PRKCH: variants seen among roughly 807,000 people sequenced by gnomAD.
The protein encoded by PRKCH is protein kinase C eta type.
A neutral mutation model predicts 82.5 loss-of-function variants in PRKCH; 28 were observed. That is an observed-to-expected ratio of 0.34 (90% CI 0.25 to 0.47). The LOEUF (loss-of-function observed/expected upper bound fraction) is 0.47. Ranked by LOEUF, PRKCH falls within the 20% of genes least tolerant of loss-of-function variation. The pLI is 1.00. For synonymous variants in PRKCH, 322 were observed against 327.4 expected (o/e 0.98, Z 0.18); for missense variants, 705 against 881.8 (o/e 0.80, Z 2.54).
At chr14:61,339,210 G>C (rs2045897136) in intron 1 of PRKCH, among the ~76,000 whole-genome samples, 1 of 151,868 alleles carries the variant, frequency 6.6e-6, no homozygotes, top group Non-Finnish European at 1.5e-5. Flanking sequence ...CTCCTGTTCA[G>C]GCTTAGCCCT....
intron 1 of PRKCH, among the ~76,000 whole-genome samples, chr14:61,201,864 G>GAA (rs371592923): frequency 4.6e-5 from 7 of 151,052 alleles, no homozygotes; most frequent in African/African-American, 1.2e-4. Context: ...TGACTACCAG[G>GAA]AAAAAAAAAC....
intron 4 of PRKCH, among the ~76,000 whole-genome samples, chr14:61,448,890 T>C (rs1884353342): frequency 6.6e-6 from 1 of 151,722 alleles, no homozygotes; most frequent in South Asian, 2.1e-4. Context: ...AGGACTAGAG[T>C]GTTAGAAGAG....
At chr14:61,337,676 C>T (rs1389992029) in intron 1 of PRKCH, among the ~76,000 whole-genome samples, 1 of 152,226 alleles carries the variant, frequency 6.6e-6, no homozygotes, top group African/African-American at 2.4e-5. Flanking sequence ...TGCCACCCTT[C>T]ATGGCCTCCC....
At chr14:61,218,046 G>A (rs967632172) in intron 1 of PRKCH, among the ~76,000 whole-genome samples, 4 of 152,062 alleles carry the variant, frequency 2.6e-5, no homozygotes, top group South Asian at 2.1e-4. Context: ...ACTCGGACCC[G>A]GCGCGTTTCG....
chr14:61,263,379 G>T (rs1311287434), intron 1 of PRKCH, among the ~76,000 whole-genome samples: 5 of 152,044 alleles, frequency 3.3e-5, no homozygotes, highest in African/African-American at 1.2e-4. Context: ...ATATTGCTAA[G>T]ATTCATTTAT....
intron 1 of PRKCH, among the ~76,000 whole-genome samples, chr14:61,213,507 A>C (rs1312904601): frequency 6.6e-6 from 1 of 152,244 alleles, no homozygotes; most frequent in Non-Finnish European, 1.5e-5. Context: ...GGCAAAAGGC[A>C]ACTGCCTAGT....
rs1555378109 is a variant in PRKCH at position 61,352,713 on chromosome 14, A to AGAAAGAAG, written c.363+30256_363+30257insGGAAAGAA. Among the ~76,000 whole-genome samples, 3 of 151,800 alleles carry AGAAAGAAG rather than the reference A, an allele frequency of 2.0e-5. No homozygotes were observed. The East Asian group carries it at 5.8e-4, about 29-fold the overall frequency. On this transcript the variant is annotated intron_variant, in intron 1 of 13. Coordinates refer to ENST00000332981, the MANE Select transcript of PRKCH (RefSeq NM_006255.5). ...AGGAAAGAAAGAAAGAAAGAAAGAA[A>AGAAAGAAG]GAAAGAAAGAAAGAAAGAAAGAAAG...
intron 1 of PRKCH, among the ~76,000 whole-genome samples, chr14:61,371,528 G>A (rs1331151155): frequency 1.3e-5 from 2 of 151,978 alleles, no homozygotes; most frequent in Admixed American, 6.5e-5. Flanking sequence ...CCTTCAAATT[G>A]GGTTTGTCTA....
rs574279794 is a variant in PRKCH at position 61,250,210 on chromosome 14, C to G, written c.-19+62542C>G. Among the ~76,000 whole-genome samples, 4 of 150,598 alleles carry G rather than the reference C, an allele frequency of 2.7e-5. No homozygotes were observed. The East Asian group carries it at 7.9e-4, about 30-fold the overall frequency. ...AGGTTGCAGTGAGCCGAACTCCAGC[C>G]TGGGCGATAGAGTGAGACTCAGTCT... On this transcript the variant is annotated intron_variant, in intron 1 of 3. Transcript: ENST00000555185.
intron 2 of PRKCH, among the ~76,000 whole-genome samples, chr14:61,401,632 G>A (rs577690120): frequency 1.3e-5 from 2 of 152,220 alleles, no homozygotes; most frequent in South Asian, 2.1e-4. Context: ...TGATGGCCAC[G>A]TAGTTGCAGG....
At chr14:61,458,087 T>G (rs1884862130) in intron 9 of PRKCH, among the ~76,000 whole-genome samples, 1 of 151,906 alleles carries the variant, frequency 6.6e-6, no homozygotes, top group Non-Finnish European at 1.5e-5. Context: ...GGCACAGGAG[T>G]TTAGAAGAGG....
chr14:61,322,776 C>T, intron 1 of PRKCH: 1 of 312,696 alleles, frequency 3.2e-6, no homozygotes, highest in Non-Finnish European at 6.0e-6. Flanking sequence ...GGAGCTCCAA[C>T]TTTCAGCACG....
At chr14:61,532,479 C>A (rs1037606578) in intron 12 of PRKCH, among the ~76,000 whole-genome samples, 2 of 152,148 alleles carry the variant, frequency 1.3e-5, no homozygotes, top group Admixed American at 6.5e-5. Context: ...GTTGGACATT[C>A]CTAATTTTTT....
intron 2 of PRKCH, among the ~76,000 whole-genome samples, chr14:61,423,752 T>C (rs968587911): frequency 2.0e-5 from 3 of 152,136 alleles, no homozygotes; most frequent in Admixed American, 1.3e-4. Flanking sequence ...TATAATACAG[T>C]TGGGGATGTG....
At chr14:61,210,919 T>C (rs2044573781) in intron 1 of PRKCH, among the ~76,000 whole-genome samples, 1 of 152,004 alleles carries the variant, frequency 6.6e-6, no homozygotes, top group African/African-American at 2.4e-5. Flanking sequence ...CCACATGCAA[T>C]TGTGGGAGTG....
At chr14:61,507,196 C>T (rs1281045845) in intron 10 of PRKCH, among the ~76,000 whole-genome samples, 1 of 152,142 alleles carries the variant, frequency 6.6e-6, no homozygotes, top group Non-Finnish European at 1.5e-5. Context: ...AGTTGCTCAA[C>T]ATCACTAACC....
chr14:61,407,876 TTGTA>T (rs1193202445), intron 2 of PRKCH, among the ~76,000 whole-genome samples: 10 of 152,216 alleles, frequency 6.6e-5, no homozygotes, highest in Admixed American at 3.9e-4. Context: ...CAGTTTTGCT[TTGTA>T]TGCAGCATGG....
At position 61,530,563 on chromosome 14, in the gene PRKCH, C is replaced by T. The variant is rs754231961; in HGVS notation, c.1729C>T (p.Leu577Phe). Residue 577 changes from leucine (L) to phenylalanine (F), a missense_variant, in exon 12 of 14, where the codon CTC (leucine) becomes TTC (phenylalanine). Transcript: ENST00000332981. The part of the protein sequence containing the change: ...LNDEVVYPTW[L>F]HEDATGILKS... ...TGATGAGGTGGTCTACCCTACCTGGCTCCATGAAGATGCCACAGGGATCCT... is the reference window on the plus strand; with the variant it reads ...TGATGAGGTGGTCTACCCTACCTGGTTCCATGAAGATGCCACAGGGATCCT... The T allele has an allele frequency of 3.7e-6, 6 of 1,605,568 alleles. No individual in the cohort carries two copies. Among genetic ancestry groups the T allele is most frequent in the Non-Finnish European group, 4.3e-6 (5 of 1,175,676 alleles).
At chr14:61,373,122 T>TG (rs1396002997) in intron 1 of PRKCH, among the ~76,000 whole-genome samples, 5 of 152,002 alleles carry the variant, frequency 3.3e-5, no homozygotes, top group Admixed American at 3.3e-4. Flanking sequence ...GTTGTAGCTG[T>TG]GGCTGTGAAT....
Sources: gnomAD v4.1 joint callset for allele counts (sites outside exome capture counted in the v4.1 genomes callset) on GRCh38, gnomAD v4.1.1 for gene constraint, MANE v1.5 for transcripts, NCBI Gene and HGNC (gene_info 2026-07-23, HGNC 2026-07-21) for gene names.